ILF2: variants seen among roughly 807,000 people sequenced by gnomAD.
The protein encoded by ILF2 is interleukin enhancer binding factor 2.
A neutral mutation model predicts 55.3 loss-of-function variants in ILF2; 9 were observed. The ratio of observed to expected loss-of-function variants is 0.16; its 90% CI spans 0.10 to 0.28. ILF2 has a LOEUF of 0.28. ILF2 is among the 10% of genes least tolerant of loss of function. The pLI, the probability that ILF2 is intolerant of heterozygous loss-of-function variation, is 1.00. For missense variants in ILF2, 266 were observed against 474.9 expected (o/e 0.56, Z 4.09); for synonymous variants, 151 against 161.8 (o/e 0.93, Z 0.50).
At chr1:153,670,791 G>T in intron 1 of ILF2, 127 bp downstream of exon 1, 1 of 1,089,164 alleles carries the variant, frequency 9.2e-7, no homozygotes, top group South Asian at 1.2e-5. Context: ...CCTAGACCAG[G>T]AGTTCTCAGG....
Position 153,670,992 on chromosome 1 carries a change from A to G in ILF2, c.-70T>C. On this transcript the variant is annotated 5_prime_UTR_variant, in exon 1 of 14. Transcript: ENST00000361891. The stretch of plus-strand genomic sequence containing the variant: ...TCCTCTGAGTAGCAGACAACTGAAG[A>G]GGCGTCTTGCCGGCGTGTCCCAATA... The G allele has an allele frequency of 6.3e-7, 1 of 1,597,540 alleles. No homozygotes were observed. Among genetic ancestry groups the G allele is most frequent in the South Asian group, 1.1e-5 (1 of 90,776 alleles).
Position 153,662,389 on chromosome 1 carries a change from G to A in ILF2, c.*7C>T, listed in dbSNP as rs756356532. ...CCCCTTGGGTAGGAAAAGGAGTGAAGGGAATGTCACTCCTGAGTTTCCATG... is the reference window on the plus strand; with the variant it reads ...CCCCTTGGGTAGGAAAAGGAGTGAAAGGAATGTCACTCCTGAGTTTCCATG... On this transcript the variant is annotated 3_prime_UTR_variant, in exon 14 of 14. Transcript: ENST00000361891. 1.9e-6 allele frequency: 3 copies of A among 1,613,908 alleles called. No homozygotes were observed. Among genetic ancestry groups the A allele is most frequent in the Non-Finnish European group, 1.7e-6 (2 of 1,179,894 alleles).
At chr1:153,664,347 C>T in intron 9 of ILF2, 49 bp downstream of exon 9, 1 of 1,427,554 alleles carries the variant, frequency 7.0e-7, no homozygotes, top group Non-Finnish European at 9.9e-7. Context: ...CTGCTATTCA[C>T]TGCAGTTAAA....
rs150372578 is a variant in ILF2 at position 153,661,947 on chromosome 1, CAA to C, written c.*447_*448del. The C allele has an allele frequency of 8.4e-3, 1,312 of 156,156 alleles. 21 individuals carry two copies. Among genetic ancestry groups the C allele is most frequent in the African/African-American group, 0.029 (1,218 of 41,498 alleles). 9.7% of individuals were successfully genotyped at this position (156,156 alleles called of 1,614,324 possible). The stretch of plus-strand genomic sequence containing the variant: ...TAAATGACTCAATTATCATTTTCAA[CAA>C]AAGAGTACACAAAGCCAAAAGCAAA... On this transcript the variant is annotated 3_prime_UTR_variant, in exon 14 of 14. Transcript: ENST00000361891.
chr1:153,663,243 G>C lies in ILF2; in HGVS notation c.778C>G (p.Gln260Glu). ...TATGCAACGTTTAGGGCCAAAGGCTGTCTGGTGGGGTTGTTCATCACAGCA... is the reference window on the plus strand; with the variant it reads ...TATGCAACGTTTAGGGCCAAAGGCTCTCTGGTGGGGTTGTTCATCACAGCA... ...HYAVMNNPTR[Q>E]PLALNVAYRR... is the part of the protein sequence containing the mutation. Residue 260 changes from glutamine (Q) to glutamate (E), a missense_variant, in exon 11 of 14, where the codon CAG (glutamine) becomes GAG (glutamate). Gln to Glu is a conservative substitution (Grantham distance 29, BLOSUM62 2). Transcript: ENST00000361891. 6.2e-7 allele frequency: 1 copy of C among 1,614,226 alleles called. No individual in the cohort carries two copies. Among genetic ancestry groups the C allele is most frequent in the Non-Finnish European group, 8.5e-7 (1 of 1,180,044 alleles).
In ILF2 at chr1:153,662,177, T is replaced by A; in HGVS notation, c.*219A>T. ...GATTATAGAATATTAGGAAGAAATG[T>A]TGGTATCCTCCATTATAGATGGATG... On this transcript the variant is annotated 3_prime_UTR_variant, in exon 14 of 14. Transcript: ENST00000361891. The A allele has an allele frequency of 2.0e-6, 1 of 511,368 alleles. No individual in the cohort carries two copies. Among genetic ancestry groups the A allele is most frequent in the South Asian group, 3.0e-5 (1 of 33,556 alleles). 31.7% of individuals were successfully genotyped at this position (511,368 alleles called of 1,614,324 possible). A position where few individuals can be genotyped will look rare whatever the true frequency, so the allele number is the denominator to read the frequency against.
rs1428720309 is a variant in ILF2 at position 153,666,320 on chromosome 1, A to C, written c.395-592T>G. 4.6e-5 allele frequency among the ~76,000 whole-genome samples: 7 copies of C among 152,218 alleles called. 1 individual carries two copies. Among genetic ancestry groups the C allele is most frequent in the African/African-American group, 1.7e-4 (7 of 41,534 alleles). On this transcript the variant is annotated intron_variant, in intron 6 of 13. Transcript: ENST00000361891. ...TGCCTCAGCCTCCCAAGTAGTGGGG[A>C]TTACAGACGCCCACCACCACGCCTG...
In ILF2 at chr1:153,667,891, T is replaced by C. The variant is rs1346338300; in HGVS notation, c.291+109A>G. 6 of 806,156 alleles carry C rather than the reference T, an allele frequency of 7.4e-6. No individual in the cohort carries two copies. The East Asian group carries it at 1.5e-4, about 20-fold the overall frequency. 49.9% of individuals were successfully genotyped at this position (806,156 alleles called of 1,614,324 possible). A position where few individuals can be genotyped will look rare whatever the true frequency, so the allele number is the denominator to read the frequency against. ...GAAATTCCACTGTACTTTCTCATTT[T>C]AGGCTTGGCTTTGGATAATAGACAA... On this transcript the variant is annotated intron_variant, in intron 5 of 13. Transcript: ENST00000361891.
intron 10 of ILF2, 32 bp downstream of exon 10, chr1:153,664,011 A>T: frequency 8.2e-7 from 1 of 1,219,364 alleles, no homozygotes; most frequent in Non-Finnish European, 1.2e-6. Context: ...AATAAGGATG[A>T]TGAGGAACTC....
Position 153,664,586 on chromosome 1 carries a change from C to A in ILF2, c.578-112G>T, listed in dbSNP as rs550066251. On this transcript the variant is annotated intron_variant, in intron 8 of 13. Coordinates refer to ENST00000361891, the MANE Select transcript of ILF2 (RefSeq NM_004515.4). ...AAGGAGGGCAGGATAGACGGAGTCT[C>A]GCTCTGTTGTCCAGGCTGGATTGCG... is the stretch of plus-strand genomic sequence containing the variant. 73 of 840,740 alleles carry A rather than the reference C, an allele frequency of 8.7e-5. 1 individual carries two copies. In the South Asian group the frequency reaches 9.2e-4, roughly 11 times the overall value. 52.1% of individuals were successfully genotyped at this position (840,740 alleles called of 1,614,324 possible).
chr1:153,668,313 T>G, intron 4 of ILF2, 140 bp downstream of exon 4: 4 of 1,085,400 alleles, frequency 3.7e-6, no homozygotes, highest in Non-Finnish European at 5.3e-6. Context: ...CCACCCACAA[T>G]GAGAAATAAG....
chr1:153,670,981 G>T lies in ILF2; in HGVS notation c.-59C>A, dbSNP rs1285799691. 6.2e-7 allele frequency: 1 copy of T among 1,609,196 alleles called. No individual in the cohort carries two copies. Among genetic ancestry groups the T allele is most frequent in the African/African-American group, 1.3e-5 (1 of 74,948 alleles). Reference sequence around the variant, plus strand: ...CAACCGCCCCTTCCTCTGAGTAGCAGACAACTGAAGAGGCGTCTTGCCGGC... The same window carrying T: ...CAACCGCCCCTTCCTCTGAGTAGCATACAACTGAAGAGGCGTCTTGCCGGC... On this transcript the variant is annotated 5_prime_UTR_variant, in exon 1 of 14. The change creates a new upstream start codon in the 5' untranslated region. Coordinates refer to ENST00000361891, the MANE Select transcript of ILF2 (RefSeq NM_004515.4).
Position 153,668,215 on chromosome 1 carries a change from C to T in ILF2, c.214-138G>A, listed in dbSNP as rs1418062298. On this transcript the variant is annotated intron_variant, in intron 4 of 13. Transcript: ENST00000361891. ...GGCTTTAAAAACACTTCATTCTGGC[C>T]TTGAATATATGGGAAGAGAACAACT... 2.5e-5 allele frequency: 20 copies of T among 785,146 alleles called. No individual in the cohort carries two copies. The Admixed American group carries it at 5.3e-4, about 21-fold the overall frequency. 48.6% of individuals were successfully genotyped at this position (785,146 alleles called of 1,614,324 possible). A position where few individuals can be genotyped will look rare whatever the true frequency, so the allele number is the denominator to read the frequency against.
rs1669362186 is a variant in ILF2, at chr1:153,668,449, A to T, written c.213+4T>A. 1 of 1,614,116 alleles carries T rather than the reference A, an allele frequency of 6.2e-7. No homozygotes were observed. Among genetic ancestry groups the T allele is most frequent in the East Asian group, 2.2e-5 (1 of 44,886 alleles). On this transcript the variant is annotated splice_donor_region_variant and intron_variant, in intron 4 of 13. Transcript: ENST00000361891. ...ATTTCTGGAAGACAGCCAAAAGAACATACCTGTTCAGCAGAATTGGGAGCC... is the reference window on the plus strand; with the variant it reads ...ATTTCTGGAAGACAGCCAAAAGAACTTACCTGTTCAGCAGAATTGGGAGCC...
intron 4 of ILF2, 151 bp downstream of exon 4, chr1:153,668,302 T>C: frequency 2.0e-6 from 2 of 1,007,082 alleles, no homozygotes; most frequent in East Asian, 5.2e-5. Context: ...CCTGGCTATC[T>C]CCACCCACAA....
intron 1 of ILF2, 113 bp downstream of exon 1, chr1:153,670,805 T>C: frequency 1.6e-6 from 2 of 1,272,734 alleles, no homozygotes; most frequent in Non-Finnish European, 2.3e-6. Flanking sequence ...TCTCAGGTTT[T>C]TGGCCAGCCC....
At chr1:153,664,309 G>C in intron 9 of ILF2, 87 bp downstream of exon 9, 1 of 1,202,330 alleles carries the variant, frequency 8.3e-7, no homozygotes, top group Non-Finnish European at 1.2e-6. Flanking sequence ...AGGCAAAATA[G>C]TTCTGTCAGA....
At chr1:153,663,733 A>G (rs1429668366) in intron 10 of ILF2, among the ~76,000 whole-genome samples, 1 of 151,424 alleles carries the variant, frequency 6.6e-6, no homozygotes, top group Non-Finnish European at 1.5e-5. Context: ...CTCTACTACC[A>G]TGATTAAATG....
chr1:153,670,067 G>A, intron 2 of ILF2, 104 bp downstream of exon 2: 1 of 1,245,794 alleles, frequency 8.0e-7, no homozygotes, highest in Non-Finnish European at 1.2e-6. Flanking sequence ...GACCACAGTT[G>A]GCTCTCGCAA....
Sources: gnomAD v4.1 joint callset for allele counts (sites outside exome capture counted in the v4.1 genomes callset) on GRCh38, gnomAD v4.1.1 for gene constraint, MANE v1.5 for transcripts, NCBI Gene and HGNC (gene_info 2026-07-23, HGNC 2026-07-21) for gene names.